The following RHOT1 variants were observed in gnomAD, a reference collection of about 807,000 sequenced individuals.
RHOT1 encodes ras homolog family member T1.
RHOT1 carries 27 observed loss-of-function variants against 95.3 expected under a neutral mutation model. The observed-to-expected ratio is 0.28, with a 90% CI of 0.21 to 0.39. The LOEUF (loss-of-function observed/expected upper bound fraction) is 0.39, where lower values mean the gene tolerates loss of function less well. Ranked by LOEUF, RHOT1 falls within the 10% of genes least tolerant of loss-of-function variation. The pLI, the probability that RHOT1 is intolerant of heterozygous loss-of-function variation, is 1.00. For synonymous variants in RHOT1, 227 were observed against 263.5 expected (o/e 0.86, Z 1.34); for missense variants, 578 against 786.7 (o/e 0.73, Z 3.17).
At chr17:32,149,710 CATACACATATAT>C (rs1313806128) in intron 1 of RHOT1, among the ~76,000 whole-genome samples, 32 of 144,940 alleles carry the variant, frequency 2.2e-4, no homozygotes, top group South Asian at 6.4e-4. Context: ...TATATACACA[CATACACATATAT>C]ATACACATAT....
chr17:32,163,923 G>A (rs1339066654), intron 1 of RHOT1, among the ~76,000 whole-genome samples: 4 of 151,840 alleles, frequency 2.6e-5, no homozygotes, highest in African/African-American at 9.7e-5. Context: ...TTGGGAGGCC[G>A]AGGCAGGTGG....
intron 1 of RHOT1, among the ~76,000 whole-genome samples, chr17:32,157,362 TG>T (rs1474898388): frequency 6.6e-6 from 1 of 152,214 alleles, no homozygotes; most frequent in African/African-American, 2.4e-5. Flanking sequence ...GAGTTTCCTA[TG>T]GGTGATAATG....
intron 8 of RHOT1, among the ~76,000 whole-genome samples, chr17:32,186,273 C>G (rs2036043832): frequency 6.6e-6 from 1 of 152,062 alleles, no homozygotes. Flanking sequence ...TTTGCATTTC[C>G]CTGATGGCTA....
rs1476691136 is a variant in RHOT1, at chr17:32,142,507, C to A, written c.-186C>A. 1.4e-5 allele frequency: 6 copies of A among 439,232 alleles called. No individual in the cohort carries two copies. The highest frequency in any genetic ancestry group is 1.9e-5 in the Non-Finnish European group (5 of 264,566). The allele number at this position is 439,232 out of a possible 1,614,324, so 27.2% of individuals were successfully genotyped here. A position where few individuals can be genotyped will look rare whatever the true frequency, so the allele number is the denominator to read the frequency against. ...CCGCCGCCGCCGCCGCCGCCACAGC[C>A]CGCTGGGCCGGAGGAGGCGGAGCTG... On this transcript the variant is annotated 5_prime_UTR_variant, in exon 1 of 20. Coordinates refer to ENST00000545287, the MANE Select transcript of RHOT1 (RefSeq NM_001033566.3).
chr17:32,200,422 C>T (rs943582849), intron 13 of RHOT1, among the ~76,000 whole-genome samples: 2 of 151,974 alleles, frequency 1.3e-5, no homozygotes, highest in African/African-American at 4.8e-5. Flanking sequence ...AGAGGAATTA[C>T]CCACCATCTT....
intron 6 of RHOT1, among the ~76,000 whole-genome samples, chr17:32,181,986 C>T (rs922651814): frequency 2.0e-5 from 3 of 152,188 alleles, no homozygotes; most frequent in Admixed American, 6.5e-5. Flanking sequence ...CCTTCCTCCT[C>T]GCTTGCTCTT....
intron 1 of RHOT1, among the ~76,000 whole-genome samples, chr17:32,169,963 A>C (rs1038113158): frequency 3.3e-5 from 5 of 152,096 alleles, no homozygotes; most frequent in Admixed American, 2.6e-4. Context: ...TGAGCCAAAA[A>C]AATCACACCA....
At position 32,211,247 on chromosome 17, in the gene RHOT1, CT is replaced by C; in HGVS notation, c.1862+12del. 1 of 1,594,484 alleles carries C rather than the reference CT, an allele frequency of 6.3e-7. No homozygotes were observed. The highest frequency in any genetic ancestry group is 1.1e-5 in the South Asian group (1 of 88,796). On this transcript the variant is annotated intron_variant, in intron 19 of 19. Transcript: ENST00000545287. ...ACTGCAGTTCTTAACAGGTTCTTAA[CT>C]TTATTTACTGGGTACCAGGCATTCT...
intron 11 of RHOT1, among the ~76,000 whole-genome samples, chr17:32,196,401 A>G (rs1386641022): frequency 1.3e-5 from 2 of 152,070 alleles, no homozygotes; most frequent in Non-Finnish European, 2.9e-5. Context: ...TTTGTTGCCC[A>G]GGCTGGTTTC....
rs71377417 is a variant in RHOT1 at position 32,168,311 on chromosome 17, C to T, written c.38-2732C>T. Among the ~76,000 whole-genome samples the T allele has an allele frequency of 6.4e-3, 969 of 152,078 alleles. 13 individuals are homozygous for T. Among genetic ancestry groups the T allele is most frequent in the African/African-American group, 0.021 (874 of 41,496 alleles). On this transcript the variant is annotated intron_variant, in intron 1 of 19. Coordinates refer to ENST00000545287, the MANE Select transcript of RHOT1 (RefSeq NM_001033566.3). ...CAGACAGAGTTTCACCATGTCACCC[C>T]GGCTGGAGTGCAATGGTAAGATCAT...
intron 1 of RHOT1, among the ~76,000 whole-genome samples, chr17:32,149,635 A>ATATGTGTGTG (rs1445281403): frequency 3.4e-5 from 2 of 59,068 alleles, no homozygotes; most frequent in Non-Finnish European, 6.8e-5. Context: ...ATATATATAT[A>ATATGTGTGTG]TGTGTGTGTG....
intron 1 of RHOT1, chr17:32,151,562 G>GTC (rs1369829909): frequency 7.6e-6 from 3 of 395,686 alleles, no homozygotes; most frequent in South Asian, 3.1e-5. Context: ...TGCGCGGTGT[G>GTC]TCTCTCTCTC....
chr17:32,180,464 C>CGTT, intron 6 of RHOT1, among the ~76,000 whole-genome samples: 2 of 151,808 alleles, frequency 1.3e-5, no homozygotes, highest in Middle Eastern at 3.4e-3. Flanking sequence ...GCAGCATGCT[C>CGTT]GTTAAGAGTC....
intron 1 of RHOT1, among the ~76,000 whole-genome samples, chr17:32,165,026 AAAAACAAAAC>A (rs1002576043): frequency 6.6e-6 from 1 of 151,654 alleles, no homozygotes; most frequent in African/African-American, 2.4e-5. Flanking sequence ...CAAAAAACAA[AAAAACAAAAC>A]AAAACAAAAA....
Position 32,195,177 on chromosome 17 carries a change from C to T in RHOT1, c.869+1070C>T, listed in dbSNP as rs1280724110. Among the ~76,000 whole-genome samples the T allele has an allele frequency of 6.5e-4, 98 of 151,804 alleles. 2 individuals are homozygous for T. On this transcript the variant is annotated intron_variant, in intron 11 of 19. Transcript: ENST00000545287. ...TCTCATTTTGGCTAGCTCACTGCAA[C>T]CTCAAACTCCATGGCTCAAGCAATC...
chr17:32,188,980 A>G (rs1398718013), intron 8 of RHOT1, among the ~76,000 whole-genome samples: 2 of 152,168 alleles, frequency 1.3e-5, no homozygotes, highest in Non-Finnish European at 2.9e-5. Context: ...CCTCATCGTA[A>G]TAGTCACTAA....
intron 19 of RHOT1, among the ~76,000 whole-genome samples, chr17:32,211,913 G>GA (rs901470541): frequency 6.7e-5 from 10 of 150,062 alleles, no homozygotes; most frequent in African/African-American, 2.4e-4. Flanking sequence ...GAAAGAAAGA[G>GA]AAAAAAAAAG....
At position 32,202,188 on chromosome 17, in the gene RHOT1, G is replaced by A. The variant is rs146633721; in HGVS notation, c.1202-582G>A. The stretch of plus-strand genomic sequence containing the variant: ...GCCTCCCACAGTTCTGGGATTACAC[G>A]CGTGAGCCACTGCACCCGGCTCTAA... On this transcript the variant is annotated intron_variant, in intron 14 of 19. Coordinates refer to ENST00000545287, the MANE Select transcript of RHOT1 (RefSeq NM_001033566.3). Among the ~76,000 whole-genome samples, 25 of 152,262 alleles carry A rather than the reference G, an allele frequency of 1.6e-4. No homozygotes were observed. The East Asian group carries it at 3.9e-3, about 23-fold the overall frequency.
chr17:32,209,160 T>TGCAC (rs1467679963), intron 18 of RHOT1: 1 of 339,566 alleles, frequency 2.9e-6, no homozygotes, highest in Non-Finnish European at 5.3e-6. Flanking sequence ...CAAAAAGGTG[T>TGCAC]TGATTTGTAC....
Sources: gnomAD v4.1 joint callset for allele counts (sites outside exome capture counted in the v4.1 genomes callset) on GRCh38, gnomAD v4.1.1 for gene constraint, MANE v1.5 for transcripts, NCBI Gene and HGNC (gene_info 2026-07-23, HGNC 2026-07-21) for gene names.